CDK14: variants seen among roughly 807,000 people sequenced by gnomAD.
The protein encoded by CDK14 is cyclin dependent kinase 14.
A neutral mutation model predicts 60.7 loss-of-function variants in CDK14; 34 were observed. The observed-to-expected ratio is 0.56, with a 90% CI of 0.43 to 0.75. The LOEUF (loss-of-function observed/expected upper bound fraction) is 0.75, where lower values mean the gene tolerates loss of function less well. Among genes scored for constraint, CDK14 ranks in the 30% least tolerant of loss-of-function variants. The probability of loss-of-function intolerance (pLI) is 0.00; values close to 1 mark genes in which losing one functional copy is unlikely to be tolerated. For synonymous variants in CDK14, 197 were observed against 203.7 expected, an observed-to-expected ratio of 0.97 and a Z score of 0.28; for missense variants, 482 against 564.1, an observed-to-expected ratio of 0.85 and a Z score of 1.47.
intron 8 of CDK14, among the ~76,000 whole-genome samples, chr7:90,923,897 T>G (rs933269281): frequency 6.6e-6 from 1 of 152,258 alleles, no homozygotes; most frequent in East Asian, 1.9e-4. Context: ...GACTGGAACC[T>G]TAAGTAGCAG....
intron 10 of CDK14, among the ~76,000 whole-genome samples, chr7:91,009,697 A>G (rs989678522): frequency 1.3e-5 from 2 of 151,982 alleles, no homozygotes; most frequent in Non-Finnish European, 2.9e-5. Flanking sequence ...CTAATTTCTG[A>G]TCATTGAGTT....
chr7:91,110,177 T>C (rs1357713021), intron 12 of CDK14, among the ~76,000 whole-genome samples: 2 of 152,142 alleles, frequency 1.3e-5, no homozygotes, highest in Non-Finnish European at 2.9e-5. Context: ...AAGGCTCTGA[T>C]GTTGAAAATG....
intron 9 of CDK14, among the ~76,000 whole-genome samples, chr7:90,972,729 TC>T (rs1281291008): frequency 2.0e-5 from 3 of 152,238 alleles, no homozygotes; most frequent in African/African-American, 7.2e-5. Flanking sequence ...GTGATCTGTT[TC>T]TTTGTTGTTC....
chr7:90,916,299 C>T (rs574404165), intron 7 of CDK14, among the ~76,000 whole-genome samples: 10 of 152,250 alleles, frequency 6.6e-5, no homozygotes, highest in Middle Eastern at 3.4e-3. Context: ...GTTTGCATCC[C>T]GAGATTCTTG....
intron 5 of CDK14, among the ~76,000 whole-genome samples, chr7:90,792,394 A>G (rs1805869449): frequency 6.6e-6 from 1 of 152,200 alleles, no homozygotes; most frequent in Non-Finnish European, 1.5e-5. Context: ...AAAGGATACT[A>G]CATCACTACC....
intron 2 of CDK14, among the ~76,000 whole-genome samples, chr7:90,637,772 G>A (rs1800190341): frequency 1.0e-5 from 1 of 95,544 alleles, no homozygotes; most frequent in African/African-American, 4.6e-5. Flanking sequence ...GGGAGTCTAA[G>A]TCTCTTTGTA....
chr7:90,726,906 C>T, intron 3 of CDK14, 94 bp downstream of exon 3: 1 of 1,443,368 alleles, frequency 6.9e-7, no homozygotes, highest in Non-Finnish European at 9.5e-7. Context: ...GAAACTTTAT[C>T]AGTGCCTTAT....
intron 14 of CDK14, among the ~76,000 whole-genome samples, chr7:91,181,196 C>G (rs1801989462): frequency 1.3e-5 from 2 of 152,130 alleles, no homozygotes; most frequent in Non-Finnish European, 2.9e-5. Context: ...TGAATTTCTT[C>G]CCTCCCTCCG....
At chr7:90,806,829 C>G (rs141839306) in intron 5 of CDK14, among the ~76,000 whole-genome samples, 2 of 152,220 alleles carry the variant, frequency 1.3e-5, no homozygotes, top group African/African-American at 2.4e-5. Flanking sequence ...TATCCCGTGC[C>G]TGGCTCTGAG....
intron 5 of CDK14, among the ~76,000 whole-genome samples, chr7:90,828,563 G>C (rs965814714): frequency 6.6e-6 from 1 of 151,334 alleles, no homozygotes; most frequent in African/African-American, 2.4e-5. Flanking sequence ...TAAAACTTTT[G>C]AAATCTAATA....
intron 3 of CDK14, among the ~76,000 whole-genome samples, chr7:90,731,978 A>C (rs1331165095): frequency 6.6e-6 from 1 of 152,034 alleles, no homozygotes; most frequent in Non-Finnish European, 1.5e-5. Flanking sequence ...TTGTGGGTTT[A>C]TCATAAATAG....
chr7:91,065,171 G>T (rs559358693), intron 11 of CDK14, among the ~76,000 whole-genome samples: 2 of 152,242 alleles, frequency 1.3e-5, no homozygotes, highest in South Asian at 4.2e-4. Context: ...TATAGCCAGG[G>T]CAAGTTCAGA....
At chr7:90,784,775 C>G (rs777477271) in intron 4 of CDK14, among the ~76,000 whole-genome samples, 11 of 152,004 alleles carry the variant, frequency 7.2e-5, no homozygotes, top group Non-Finnish European at 1.3e-4. Context: ...TTATTCACAC[C>G]TGAATCAGAA....
chr7:90,995,011 A>G (rs1795641164), intron 10 of CDK14, among the ~76,000 whole-genome samples: 1 of 152,212 alleles, frequency 6.6e-6, no homozygotes, highest in Non-Finnish European at 1.5e-5. Flanking sequence ...GGTGAGCAGC[A>G]TCTAAGATGG....
chr7:90,605,679 G>GA (rs1345777711), intron 2 of CDK14, among the ~76,000 whole-genome samples: 3 of 152,076 alleles, frequency 2.0e-5, no homozygotes, highest in Non-Finnish European at 2.9e-5. Flanking sequence ...AAAGGAGAAA[G>GA]AAAAAATCTC....
chr7:90,943,974 C>A (rs938854808), intron 8 of CDK14, among the ~76,000 whole-genome samples: 2 of 152,104 alleles, frequency 1.3e-5, no homozygotes, highest in African/African-American at 2.4e-5. Context: ...CTGGGTTAAT[C>A]CTCACAGGAG....
chr7:91,079,358 G>T, intron 11 of CDK14, 74 bp from the exon 12 acceptor site: 1 of 997,586 alleles, frequency 1.0e-6, no homozygotes, highest in South Asian at 1.5e-5. Context: ...TTTTAAAGTT[G>T]AAGTTTTTTC....
intron 5 of CDK14, among the ~76,000 whole-genome samples, chr7:90,819,605 G>T (rs1440464279): frequency 5.3e-5 from 8 of 151,944 alleles, no homozygotes; most frequent in Non-Finnish European, 1.2e-4. Flanking sequence ...TTAAAGAAAA[G>T]AGAGAAGACA....
rs994326654 is a variant in CDK14 at position 90,769,630 on chromosome 7, C to T, written c.465-20943C>T. Reference sequence around the variant, plus strand: ...TACAGGCATGTGCCACCACACCTAGCTAATTTTTGTATTTTTAGTAGAGAC... The same window carrying T: ...TACAGGCATGTGCCACCACACCTAGTTAATTTTTGTATTTTTAGTAGAGAC... On this transcript the variant is annotated intron_variant, in intron 4 of 14. Transcript: ENST00000380050. 3.9e-5 allele frequency among the ~76,000 whole-genome samples: 6 copies of T among 152,070 alleles called. No homozygotes were observed. In the South Asian group the frequency reaches 1.2e-3, roughly 32 times the overall value.
Sources: allele counts gnomAD v4.1 joint callset (sites outside exome capture counted in the v4.1 genomes callset), GRCh38; gene constraint gnomAD v4.1.1; transcripts MANE v1.5; gene names NCBI Gene and HGNC (gene_info 2026-07-23, HGNC 2026-07-21).